Variants in PTGFRN observed in about 807,000 individuals in gnomAD.
PTGFRN encodes the protein prostaglandin F2 receptor inhibitor.
PTGFRN carries 35 observed loss-of-function variants against 83.2 expected under a neutral mutation model. The ratio of observed to expected loss-of-function variants is 0.42; its 90% CI spans 0.32 to 0.56. The LOEUF is 0.56. PTGFRN is among the 20% of genes least tolerant of loss of function. The pLI is 0.11. For missense variants in PTGFRN, 1,051 were observed against 1,179.5 expected (o/e 0.89, Z 1.60); for synonymous variants, 519 against 498.6 (o/e 1.04, Z -0.55).
chr1:116,933,740 C>G (rs1649854537), intron 1 of PTGFRN, among the ~76,000 whole-genome samples: 1 of 152,120 alleles, frequency 6.6e-6, no homozygotes, highest in African/African-American at 2.4e-5. Context: ...CCTTTCATCA[C>G]TTTAAAGATG....
intron 7 of PTGFRN, among the ~76,000 whole-genome samples, chr1:116,982,344 A>T (rs1651343409): frequency 6.6e-6 from 1 of 152,076 alleles, no homozygotes; most frequent in Admixed American, 6.5e-5. Context: ...AGAATTTTGC[A>T]CTCTTGGACT....
At position 116,990,192 on chromosome 1, in the gene PTGFRN, C is replaced by T. The variant is rs1287343113; in HGVS notation, c.*3225C>T. 2.6e-5 allele frequency: 4 copies of T among 152,590 alleles called. No homozygotes were observed. Among genetic ancestry groups the T allele is most frequent in the African/African-American group, 9.7e-5 (4 of 41,424 alleles). The allele number at this position is 152,590 out of a possible 1,614,324, so 9.5% of individuals were successfully genotyped here. On this transcript the variant is annotated 3_prime_UTR_variant, in exon 9 of 9. Coordinates refer to ENST00000393203, the MANE Select transcript of PTGFRN (RefSeq NM_020440.4). ...GCTGACTTTCTTTTTAAGTGTGGCACATAAGGATCTGCAGAATTTTCCGTA... is the reference window on the plus strand; with the variant it reads ...GCTGACTTTCTTTTTAAGTGTGGCATATAAGGATCTGCAGAATTTTCCGTA...
intron 1 of PTGFRN, among the ~76,000 whole-genome samples, chr1:116,910,672 C>T (rs1038428028): frequency 6.6e-6 from 1 of 152,024 alleles, no homozygotes. Flanking sequence ...TATGCCCCGC[C>T]ATAGCCGCCG....
Position 116,910,215 on chromosome 1 carries a change from G to A in PTGFRN, c.12G>A (p.Leu4=). The A allele has an allele frequency of 1.4e-6, 2 of 1,462,492 alleles. No individual in the cohort carries two copies. Among genetic ancestry groups the A allele is most frequent in the South Asian group, 1.4e-5 (1 of 73,558 alleles). The allele number at this position is 1,462,492 out of a possible 1,614,324, so 90.6% of individuals were successfully genotyped here. The change falls in exon 1 of 9, where the codon CTG becomes CTA. Residue 4 remains leucine (L), a synonymous_variant. Transcript: ENST00000393203. ...CCCGCCGGGCGAGCATGGGGCGCCT[G>A]GCCTCGAGGCCGCTGCTGCTGGCGC... MGR[L]ASRPLLLALL... is the part of the protein sequence containing the mutation.
Position 116,974,230 on chromosome 1 carries a change from G to T in PTGFRN, c.2074G>T (p.Ala692Ser). ...DFQTSGPIFNASVHSDTPSVI... is the reference protein window; with the variant it reads ...DFQTSGPIFNSSVHSDTPSVI... ...TTTTTTTCCAGGTCCTATATTTAAT[G>T]CTTCTGTGCATTCAGACACACCATC... The change falls in exon 7 of 9, where the codon GCT becomes TCT. Residue 692 changes from alanine (A) to serine (S), a missense_variant. Around this residue, in one of 3 missense-constraint regions of PTGFRN, gnomAD observed 719 missense variants for 836.6 expected, o/e 0.86. Transcript: ENST00000393203. 1 of 1,607,540 alleles carries T rather than the reference G, an allele frequency of 6.2e-7. No homozygotes were observed.
intron 4 of PTGFRN, among the ~76,000 whole-genome samples, chr1:116,960,223 T>C (rs554367828): frequency 7.8e-4 from 118 of 152,228 alleles, no homozygotes; most frequent in African/African-American, 2.8e-3. Flanking sequence ...AGTGGAAGTT[T>C]GTAGTGCATC....
chr1:116,986,418 T>A (rs1399296108), intron 8 of PTGFRN, among the ~76,000 whole-genome samples: 2 of 152,230 alleles, frequency 1.3e-5, no homozygotes, highest in African/African-American at 4.8e-5. Flanking sequence ...ACTTCAGTTA[T>A]TTGATGCATA....
rs1650565051 is a variant in PTGFRN, at chr1:116,958,643, A to T, written c.1214-2600A>T. 1.3e-5 allele frequency among the ~76,000 whole-genome samples: 2 copies of T among 152,130 alleles called. No homozygotes were observed. The highest frequency in any genetic ancestry group is 2.9e-5 in the Non-Finnish European group (2 of 68,022). On this transcript the variant is annotated intron_variant, in intron 4 of 8. Coordinates refer to ENST00000393203, the MANE Select transcript of PTGFRN (RefSeq NM_020440.4). The surrounding 1 kb of genome is among the most constrained non-coding windows in gnomAD (Gnocchi z 4.9). ...GGCATTTTAAGTACAGTATATTTTAACTCTTAACCCTCACAATAACATTAT... is the reference window on the plus strand; with the variant it reads ...GGCATTTTAAGTACAGTATATTTTATCTCTTAACCCTCACAATAACATTAT...
Position 116,941,505 on chromosome 1 carries a change from G to A in PTGFRN, c.50-210G>A, listed in dbSNP as rs1012043387. On this transcript the variant is annotated intron_variant, in intron 1 of 8. Coordinates refer to ENST00000393203, the MANE Select transcript of PTGFRN (RefSeq NM_020440.4). The surrounding 1 kb of genome is among the most constrained non-coding windows in gnomAD (Gnocchi z 5.0). Reference sequence around the variant, plus strand: ...CCTCCCTGTTGGTCCTGGGAAACTGGTTGTGTGAGAGATGCTCATTTTGAG... The same window carrying A: ...CCTCCCTGTTGGTCCTGGGAAACTGATTGTGTGAGAGATGCTCATTTTGAG... 6.6e-6 allele frequency among the ~76,000 whole-genome samples: 1 copy of A among 152,202 alleles called. No individual in the cohort carries two copies. Among genetic ancestry groups the A allele is most frequent in the African/African-American group, 2.4e-5 (1 of 41,442 alleles).
intron 1 of PTGFRN, among the ~76,000 whole-genome samples, chr1:116,937,356 A>G (rs1649946672): frequency 6.6e-6 from 1 of 152,278 alleles, no homozygotes; most frequent in African/African-American, 2.4e-5. Context: ...TAAATTTTTC[A>G]AAGATCACTT....
chr1:116,929,015 C>T (rs996957749), intron 1 of PTGFRN, among the ~76,000 whole-genome samples: 3 of 152,152 alleles, frequency 2.0e-5, no homozygotes, highest in Non-Finnish European at 4.4e-5. Context: ...CTCCACTGCA[C>T]TTCCACTTGG....
At chr1:116,945,744 C>CT (rs5777292) in intron 3 of PTGFRN, among the ~76,000 whole-genome samples, 2,773 of 130,234 alleles carry the variant, frequency 0.021, 70 homozygotes, top group African/African-American at 0.064. Flanking sequence ...TGTGAATCAG[C>CT]TTTTTTTTTT....
At chr1:116,927,719 T>A (rs1029961117) in intron 1 of PTGFRN, among the ~76,000 whole-genome samples, 3 of 151,680 alleles carry the variant, frequency 2.0e-5, no homozygotes, top group Middle Eastern at 6.8e-3. Context: ...TTTTTTTTTT[T>A]ATAGAGACGA....
At position 116,958,340 on chromosome 1, in the gene PTGFRN, C is replaced by T. The variant is rs896100638; in HGVS notation, c.1214-2903C>T. 6.6e-6 allele frequency among the ~76,000 whole-genome samples: 1 copy of T among 152,116 alleles called. No homozygotes were observed. ...CATGGCAGCACTGCACTCAGCGTTC[C>T]TAAAAATCATGTGTCAGTCAGTGGA... On this transcript the variant is annotated intron_variant, in intron 4 of 8. Coordinates refer to ENST00000393203, the MANE Select transcript of PTGFRN (RefSeq NM_020440.4). The surrounding 1 kb of genome is among the most constrained non-coding windows in gnomAD (Gnocchi z 4.9).
At chr1:116,920,811 A>G (rs1649516698) in intron 1 of PTGFRN, among the ~76,000 whole-genome samples, 1 of 152,056 alleles carries the variant, frequency 6.6e-6, no homozygotes, top group South Asian at 2.1e-4. Context: ...TCTAGTAGAG[A>G]CGGGGCTTCA....
intron 6 of PTGFRN, among the ~76,000 whole-genome samples, chr1:116,972,995 C>T (rs1449088236): frequency 3.3e-5 from 5 of 152,106 alleles, no homozygotes; most frequent in Non-Finnish European, 2.9e-5. Flanking sequence ...ACGATCTTGA[C>T]TCACTGTAGC....
Position 116,967,142 on chromosome 1 carries a change from G to A in PTGFRN, c.1871G>A (p.Arg624Gln), listed in dbSNP as rs757272557. 1.2e-6 allele frequency: 2 copies of A among 1,614,070 alleles called. No homozygotes were observed. The highest frequency in any genetic ancestry group is 1.3e-5 in the African/African-American group (1 of 74,928). ...CTGGAGAATTGGACAGATGCATCAC[G>A]GGTGGATGGCGTTGTTTTAGAAAAA... is the stretch of plus-strand genomic sequence containing the variant. ...VKLENWTDAS[R>Q]VDGVVLEKVQ... is the part of the protein sequence containing the mutation. The change falls in exon 6 of 9, where the codon CGG (arginine) becomes CAG (glutamine). Residue 624 changes from arginine (R) to glutamine (Q), a missense_variant. Arg to Gln is a conservative substitution (Grantham distance 43). This residue lies in a region of PTGFRN where 719 missense variants were observed against 836.6 expected (regional missense o/e 0.86). Coordinates refer to ENST00000393203, the MANE Select transcript of PTGFRN (RefSeq NM_020440.4).
intron 2 of PTGFRN, among the ~76,000 whole-genome samples, chr1:116,944,304 T>G (rs1650127625): frequency 6.6e-6 from 1 of 152,216 alleles, no homozygotes; most frequent in Non-Finnish European, 1.5e-5. Flanking sequence ...GAACTTACCC[T>G]GTTTAACTTA....
intron 5 of PTGFRN, among the ~76,000 whole-genome samples, chr1:116,962,039 G>A (rs568837633): frequency 1.3e-5 from 2 of 152,264 alleles, no homozygotes; most frequent in Non-Finnish European, 2.9e-5. Flanking sequence ...ACTAAGTGAT[G>A]CCCATTTTCT....
Sources: allele counts gnomAD v4.1 joint callset (sites outside exome capture counted in the v4.1 genomes callset), GRCh38; gene constraint gnomAD v4.1.1; regional missense constraint gnomAD v4.1.1; non-coding constraint Gnocchi (gnomAD v3.1); transcripts MANE v1.5; gene names NCBI Gene and HGNC (gene_info 2026-07-23, HGNC 2026-07-21).